The following PPIG variants were observed in gnomAD, a reference collection of about 807,000 sequenced individuals.
PPIG encodes the protein peptidylprolyl isomerase G, also known as peptidyl-prolyl cis-trans isomerase G.
A neutral mutation model predicts 87.9 loss-of-function variants in PPIG; 26 were observed. That is an observed-to-expected ratio of 0.30 (90% confidence interval 0.22 to 0.41). The LOEUF (loss-of-function observed/expected upper bound fraction) is 0.41, where lower values mean the gene tolerates loss of function less well. PPIG is among the 10% of genes least tolerant of loss of function. PPIG has a pLI of 1.00. For synonymous variants in PPIG, 308 were observed against 276.5 expected (o/e 1.11, Z -1.13); for missense variants, 722 against 879.4 (o/e 0.82, Z 2.26).
At chr2:169,613,270 A>C (rs1044713771) in intron 7 of PPIG, among the ~76,000 whole-genome samples, 9 of 152,202 alleles carry the variant, frequency 5.9e-5, no homozygotes, top group African/African-American at 2.2e-4. Flanking sequence ...CACAATGAGG[A>C]AACAATAGCA....
chr2:169,610,641 A>C (rs74326325), intron 7 of PPIG, among the ~76,000 whole-genome samples: 5,175 of 151,694 alleles, frequency 0.034, 292 homozygotes, highest in African/African-American at 0.12. Flanking sequence ...TAACCAACCT[A>C]ATTTCCAGTT....
In PPIG at chr2:169,631,089, G is replaced by T. The variant is rs551179959; in HGVS notation, c.761+102G>T. On this transcript the variant is annotated intron_variant, in intron 10 of 13. Transcript: ENST00000260970. ...TTATATGAAACTGTTAAAATAGTGAGAAATATAGCATGGAGCGTAGGACTT... is the reference window on the plus strand; with the variant it reads ...TTATATGAAACTGTTAAAATAGTGATAAATATAGCATGGAGCGTAGGACTT... 430 of 1,071,682 alleles carry T rather than the reference G, an allele frequency of 4.0e-4. No individual in the cohort carries two copies. In the African/African-American group the frequency reaches 6.3e-3, roughly 16 times the overall value. 66.4% of individuals were successfully genotyped at this position (1,071,682 alleles called of 1,614,324 possible).
At chr2:169,584,593 G>C in intron 1 of PPIG, 103 bp downstream of exon 1, 1 of 447,556 alleles carries the variant, frequency 2.2e-6, no homozygotes, top group Non-Finnish European at 4.5e-6. Flanking sequence ...CGGCGCGGCT[G>C]ACCGGGTTGG....
intron 9 of PPIG, among the ~76,000 whole-genome samples, chr2:169,626,017 G>T (rs1039135351): frequency 1.3e-5 from 2 of 152,102 alleles, no homozygotes; most frequent in African/African-American, 4.8e-5. Flanking sequence ...GTGTGACCTG[G>T]TTCCTAACAG....
chr2:169,597,855 CTTGTTTGTTTGTTTGT>C (rs56851989), intron 1 of PPIG, among the ~76,000 whole-genome samples: 60,800 of 150,700 alleles, frequency 0.4, 12,890 homozygotes, highest in East Asian at 0.59. Flanking sequence ...CTGTACCTTG[CTTGTTTGTTTGTTTGT>C]TTGTTTGTTT....
chr2:169,608,220 G>A (rs1206605224), intron 6 of PPIG, among the ~76,000 whole-genome samples: 1 of 151,388 alleles, frequency 6.6e-6, no homozygotes. Flanking sequence ...GCTGGGCACG[G>A]TGGCTCATGC....
chr2:169,606,630 A>C (rs1685337193), intron 5 of PPIG, among the ~76,000 whole-genome samples: 1 of 149,698 alleles, frequency 6.7e-6, no homozygotes, highest in Non-Finnish European at 1.5e-5. Context: ...ATAGAAAATA[A>C]TTTTGCCTTT....
At chr2:169,602,248 G>A (rs988744560) in intron 1 of PPIG, among the ~76,000 whole-genome samples, 1 of 152,022 alleles carries the variant, frequency 6.6e-6, no homozygotes, top group South Asian at 2.1e-4. Context: ...AACACTTCTG[G>A]TCCCAAGCAT....
chr2:169,624,825 C>T (rs1218450789), intron 9 of PPIG, among the ~76,000 whole-genome samples: 2 of 152,088 alleles, frequency 1.3e-5, no homozygotes, highest in Non-Finnish European at 2.9e-5. Flanking sequence ...CTTCTGACTT[C>T]GTGATCCGCC....
intron 7 of PPIG, 55 bp from the exon 8 acceptor site, chr2:169,614,409 A>AACTTTGTTTTTCTCTG: frequency 1.4e-6 from 2 of 1,431,578 alleles, no homozygotes; most frequent in Non-Finnish European, 1.9e-6. Flanking sequence ...TAGAGATGCT[A>AACTTTGTTTTTCTCTG]ACTTTGTTTT....
chr2:169,618,152 C>T (rs996712271), intron 9 of PPIG, among the ~76,000 whole-genome samples: 8 of 152,054 alleles, frequency 5.3e-5, no homozygotes, highest in South Asian at 2.1e-4. Context: ...TGATAGATTA[C>T]GTTTATTGAT....
At chr2:169,603,946 C>A in intron 2 of PPIG, 80 bp from the exon 3 acceptor site, 1 of 1,081,212 alleles carries the variant, frequency 9.2e-7, no homozygotes, top group South Asian at 1.4e-5. Flanking sequence ...AATATTGTTT[C>A]ACAGAATTTT....
chr2:169,603,419 A>T (rs1685237374), intron 1 of PPIG, among the ~76,000 whole-genome samples: 1 of 152,184 alleles, frequency 6.6e-6, no homozygotes, highest in South Asian at 2.1e-4. Context: ...GCTGTTGCTC[A>T]GAATCAGCAA....
chr2:169,607,411 A>G (rs1017829211), intron 6 of PPIG, among the ~76,000 whole-genome samples: 2 of 152,180 alleles, frequency 1.3e-5, no homozygotes, highest in African/African-American at 4.8e-5. Context: ...ATAGAATAGG[A>G]ACTTCCGTAG....
At chr2:169,594,074 T>C (rs73025303) in intron 1 of PPIG, among the ~76,000 whole-genome samples, 2,468 of 152,292 alleles carry the variant, frequency 0.016, 64 homozygotes, top group African/African-American at 0.055. Flanking sequence ...TGCTTTTGAT[T>C]ATATGTTGCT....
chr2:169,636,035 A>C, intron 12 of PPIG, 57 bp from the exon 13 acceptor site: 1 of 1,391,658 alleles, frequency 7.2e-7, no homozygotes, highest in South Asian at 1.5e-5. Flanking sequence ...CCCAGCACCC[A>C]TGCGAGTCCC....
At position 169,606,021 on chromosome 2, in the gene PPIG, A is replaced by ATTT; in HGVS notation, c.137-13_137-11dup. On this transcript the variant is annotated splice_polypyrimidine_tract_variant and intron_variant, in intron 4 of 13. Coordinates refer to ENST00000260970, the MANE Select transcript of PPIG (RefSeq NM_004792.3). ...TGATTTCCTTTCTATTAAATGTCCT[A>ATTT]TTTTTTTATCTCTATAGGTGAAAAG... 1 of 1,553,204 alleles carries ATTT rather than the reference A, an allele frequency of 6.4e-7. No individual in the cohort carries two copies. Among genetic ancestry groups the ATTT allele is most frequent in the Non-Finnish European group, 8.9e-7 (1 of 1,129,638 alleles).
intron 9 of PPIG, among the ~76,000 whole-genome samples, chr2:169,628,098 G>A (rs897817957): frequency 1.3e-5 from 2 of 152,022 alleles, no homozygotes; most frequent in African/African-American, 4.8e-5. Context: ...TTGGATTCAG[G>A]TTAACAGTTG....
intron 9 of PPIG, among the ~76,000 whole-genome samples, chr2:169,623,029 C>T (rs916411195): frequency 5.3e-5 from 8 of 152,116 alleles, no homozygotes; most frequent in Non-Finnish European, 7.4e-5. Context: ...TCTGGGCAAT[C>T]AATCTTCCTG....
Sources: gnomAD v4.1 joint callset for allele counts (sites outside exome capture counted in the v4.1 genomes callset) on GRCh38, gnomAD v4.1.1 for gene constraint, MANE v1.5 for transcripts, NCBI Gene and HGNC (gene_info 2026-07-23, HGNC 2026-07-21) for gene names.